The following PACRGL variants were observed in gnomAD, a reference collection of about 807,000 sequenced individuals.
PACRGL encodes parkin coregulated like, also known as PACRG-like protein.
In PACRGL, 38 loss-of-function variants were observed where a neutral mutation model predicts 34.5. The observed-to-expected ratio is 1.10, with a 90% CI of 0.85 to 1.44. The LOEUF is 1.44. Among genes scored for constraint, PACRGL ranks in the 40% most tolerant of loss-of-function variants. The pLI, the probability that PACRGL is intolerant of heterozygous loss-of-function variation, is 0.00. For synonymous variants in PACRGL, 128 were observed against 100.1 expected (o/e 1.28, Z -1.66); for missense variants, 305 against 281.4 (o/e 1.08, Z -0.60).
chr4:20,716,042 T>C, intron 7 of PACRGL: 1 of 1,433,780 alleles, frequency 7.0e-7, no homozygotes, highest in Non-Finnish European at 9.2e-7. Context: ...ATCTGTAAAT[T>C]GCATTCAGGA....
chr4:20,752,783 G>T (rs1057244169), exon 9 of PACRGL: 8 of 152,224 alleles, frequency 5.3e-5, no homozygotes, highest in African/African-American at 1.9e-4. Flanking sequence ...GGAATGTCCA[G>T]CTAGGCAGAA....
chr4:20,709,072 G>C (rs1735890966), intron 4 of PACRGL, among the ~76,000 whole-genome samples: 1 of 152,200 alleles, frequency 6.6e-6, no homozygotes, highest in Non-Finnish European at 1.5e-5. Flanking sequence ...CTGGGAGGCG[G>C]AGGTTGCGGT....
At chr4:20,742,931 CAG>C (rs1751502260) in intron 8 of PACRGL, among the ~76,000 whole-genome samples, 1 of 151,780 alleles carries the variant, frequency 6.6e-6, no homozygotes, top group Non-Finnish European at 1.5e-5. Context: ...AATAGACAAA[CAG>C]AGCCAAATCA....
At chr4:20,732,841 TAAG>T, downstream of PACRGL, 1 of 1,051,744 alleles carries the variant, frequency 9.5e-7, no homozygotes. Context: ...GAAACCAGTC[TAAG>T]AAGCTCTGAC....
downstream of PACRGL, among the ~76,000 whole-genome samples, chr4:20,755,734 G>A (rs748262346): frequency 6.6e-6 from 1 of 152,182 alleles, no homozygotes; most frequent in South Asian, 2.1e-4. Context: ...TGAGAAGGTG[G>A]CATTGGCGTA....
intron 3 of PACRGL, among the ~76,000 whole-genome samples, chr4:20,705,263 A>T (rs958748862): frequency 4.6e-5 from 7 of 152,142 alleles, no homozygotes; most frequent in African/African-American, 1.7e-4. Context: ...ATTTAATGAG[A>T]TTTAATAAAC....
At chr4:20,758,672 A>G in the PACRGL span, 7 of 623,392 alleles carry the variant, frequency 1.1e-5, no homozygotes, top group Non-Finnish European at 1.9e-5. Flanking sequence ...TTTATGGTAC[A>G]TTAAAAATTA....
At chr4:20,698,631 G>A (rs1731356022), upstream of PACRGL, among the ~76,000 whole-genome samples, 1 of 152,184 alleles carries the variant, frequency 6.6e-6, no homozygotes, top group African/African-American at 2.4e-5. Flanking sequence ...GCAATGCCAA[G>A]GAGCATGTTT....
chr4:20,706,561 A>C (rs1273485028), intron 3 of PACRGL, among the ~76,000 whole-genome samples: 1 of 151,964 alleles, frequency 6.6e-6, no homozygotes, highest in African/African-American at 2.4e-5. Context: ...CATAACATGG[A>C]TTGAATTTTG....
chr4:20,741,056 C>A (rs1277528517), intron 8 of PACRGL, among the ~76,000 whole-genome samples: 2 of 152,152 alleles, frequency 1.3e-5, no homozygotes, highest in Non-Finnish European at 2.9e-5. Flanking sequence ...TACAGGAGCA[C>A]CCAGATTCAT....
chr4:20,751,540 A>G (rs183592676), intron 8 of PACRGL, among the ~76,000 whole-genome samples: 252 of 117,206 alleles, frequency 2.2e-3, no homozygotes, highest in African/African-American at 8.6e-3. Flanking sequence ...CAGAGGAGGA[A>G]AAAAAAAAGA....
intron 8 of PACRGL, among the ~76,000 whole-genome samples, chr4:20,748,181 C>T (rs1752770771): frequency 6.6e-6 from 1 of 152,160 alleles, no homozygotes; most frequent in East Asian, 1.9e-4. Context: ...CTGCCTAAGA[C>T]ATGTCAACTT....
chr4:20,709,880 C>T lies in PACRGL; in HGVS notation c.366+107C>T, dbSNP rs542487083. 388 of 855,404 alleles carry T rather than the reference C, an allele frequency of 4.5e-4. 8 individuals carry two copies. The South Asian group carries it at 5.5e-3, about 12-fold the overall frequency. 53.0% of individuals were successfully genotyped at this position (855,404 alleles called of 1,614,324 possible). On this transcript the variant is annotated intron_variant, in intron 5 of 8. Transcript: ENST00000503585. ...AATTTCATTCTATGCCTTTGAAAAACGAAGCACACAATAGGCATTGAAACA... is the reference window on the plus strand; with the variant it reads ...AATTTCATTCTATGCCTTTGAAAAATGAAGCACACAATAGGCATTGAAACA...
At chr4:20,756,713 A>G (rs547825796), downstream of PACRGL, among the ~76,000 whole-genome samples, 2 of 152,070 alleles carry the variant, frequency 1.3e-5, no homozygotes, top group East Asian at 3.9e-4. Context: ...AATGACTCCC[A>G]TGTTGCCACA....
At chr4:20,713,214 AATGCT>A in intron 6 of PACRGL, 1 of 570,284 alleles carries the variant, frequency 1.8e-6, no homozygotes, top group African/African-American at 1.9e-5. Context: ...TATTTTAGTT[AATGCT>A]TCAGTCAGAT....
At chr4:20,721,008 G>C (rs1025730152) in intron 7 of PACRGL, among the ~76,000 whole-genome samples, 1 of 152,090 alleles carries the variant, frequency 6.6e-6, no homozygotes, top group African/African-American at 2.4e-5. Context: ...ATATTTCTTG[G>C]AGGCTTTGTT....
chr4:20,703,830 T>C (rs1393916224), intron 1 of PACRGL, among the ~76,000 whole-genome samples: 4 of 152,208 alleles, frequency 2.6e-5, no homozygotes, highest in Non-Finnish European at 4.4e-5. Flanking sequence ...CCAAAGCTCT[T>C]TCTTTCTCAT....
At chr4:20,734,946 GTT>G (rs1445200919), downstream of PACRGL, among the ~76,000 whole-genome samples, 1 of 152,090 alleles carries the variant, frequency 6.6e-6, no homozygotes, top group East Asian at 1.9e-4. Context: ...TGGAAACTGA[GTT>G]AAATCAATGG....
At chr4:20,706,887 T>A (rs111643296) in intron 3 of PACRGL, among the ~76,000 whole-genome samples, 7 of 152,202 alleles carry the variant, frequency 4.6e-5, no homozygotes, top group African/African-American at 1.4e-4. Context: ...TATGAATCTT[T>A]TATTGTAATT....
Sources: allele counts gnomAD v4.1 joint callset (sites outside exome capture counted in the v4.1 genomes callset), GRCh38; gene constraint gnomAD v4.1.1; transcripts MANE v1.5; gene names NCBI Gene and HGNC (gene_info 2026-07-23, HGNC 2026-07-21).